The following CRIM1 variants were observed in gnomAD, a reference collection of about 807,000 sequenced individuals.
CRIM1 encodes cysteine-rich motor neuron 1 protein.
In CRIM1, 32 loss-of-function variants were observed where a neutral mutation model predicts 116.4. That is an observed-to-expected ratio of 0.27 (90% CI 0.21 to 0.37). The LOEUF is 0.37. Ranked by LOEUF, CRIM1 falls within the 10% of genes least tolerant of loss-of-function variation. CRIM1 has a pLI of 1.00. For synonymous variants in CRIM1, 590 were observed against 509.2 expected (o/e 1.16, Z -2.13); for missense variants, 1,331 against 1,354.8 (o/e 0.98, Z 0.28).
chr2:36,489,897 TCATAGA>T (rs1042653048), intron 7 of CRIM1, among the ~76,000 whole-genome samples: 5 of 152,148 alleles, frequency 3.3e-5, no homozygotes, highest in Admixed American at 6.5e-5. Context: ...CTTGGAGACA[TCATAGA>T]CATAGTCAAA....
At chr2:36,506,178 C>CTG (rs1681395148) in intron 8 of CRIM1, among the ~76,000 whole-genome samples, 2 of 83,008 alleles carry the variant, frequency 2.4e-5, no homozygotes, top group African/African-American at 3.8e-5. Flanking sequence ...CTCTCTCTCT[C>CTG]TCTCACACAC....
At position 36,550,080 on chromosome 2, in the gene CRIM1, C is replaced by A. The variant is rs551789233; in HGVS notation, c.*1379C>A. On this transcript the variant is annotated 3_prime_UTR_variant, in exon 17 of 17. Coordinates refer to ENST00000280527, the MANE Select transcript of CRIM1 (RefSeq NM_016441.3). ...GTGTGTGTGTGTGCGCGCGCACGCA[C>A]GCCTTGAGCAGTCAGCATTGCACCT... 7 of 152,112 alleles carry A rather than the reference C, an allele frequency of 4.6e-5. No individual in the cohort carries two copies. Among genetic ancestry groups the A allele is most frequent in the Non-Finnish European group, 1.0e-4 (7 of 67,952 alleles). The allele number at this position is 152,112 out of a possible 1,614,324, so 9.4% of individuals were successfully genotyped here. A position where few individuals can be genotyped will look rare whatever the true frequency, so the allele number is the denominator to read the frequency against.
rs116656609 is a variant in CRIM1 at position 36,544,482 on chromosome 2, C to T, written c.2730C>T (p.Ile910=). 1.0e-3 allele frequency: 1,443 copies of T among 1,375,986 alleles called. 13 individuals carry two copies. In the African/African-American group the frequency reaches 0.018, roughly 18 times the overall value. The allele number at this position is 1,375,986 out of a possible 1,614,324, so 85.2% of individuals were successfully genotyped here. ...PLWPTPSEND[I]VHLPRDMGHL... ...GGCCCACGCCTAGTGAAAATGATAT[C>T]GTCCATCTCCCTAGAGGTAAGCATT... is the stretch of plus-strand genomic sequence containing the variant. Residue 910 remains isoleucine (I), a synonymous_variant, in exon 15 of 17, where the codon ATC becomes ATT. Coordinates refer to ENST00000280527, the MANE Select transcript of CRIM1 (RefSeq NM_016441.3).
At chr2:36,418,256 A>G (rs1340618874) in intron 2 of CRIM1, among the ~76,000 whole-genome samples, 1 of 152,198 alleles carries the variant, frequency 6.6e-6, no homozygotes, top group Non-Finnish European at 1.5e-5. Flanking sequence ...AGGTAACACG[A>G]CAGACTCTTC....
chr2:36,501,157 G>A (rs1348913799), intron 8 of CRIM1, among the ~76,000 whole-genome samples: 1 of 152,118 alleles, frequency 6.6e-6, no homozygotes, highest in East Asian at 1.9e-4. Context: ...CTCACACACA[G>A]TACTGGTTCT....
At chr2:36,457,106 G>T (rs1677197114) in intron 4 of CRIM1, among the ~76,000 whole-genome samples, 1 of 151,934 alleles carries the variant, frequency 6.6e-6, no homozygotes, top group Non-Finnish European at 1.5e-5. Flanking sequence ...ATTATTACCA[G>T]TAGTAGGAAG....
chr2:36,382,816 A>G (rs750506815), intron 1 of CRIM1, among the ~76,000 whole-genome samples: 28 of 152,238 alleles, frequency 1.8e-4, no homozygotes, highest in Non-Finnish European at 3.7e-4. Context: ...AAGCACATAC[A>G]CATAAGTTAA....
At chr2:36,542,855 A>G (rs1448813266) in intron 14 of CRIM1, among the ~76,000 whole-genome samples, 1 of 152,164 alleles carries the variant, frequency 6.6e-6, no homozygotes, top group African/African-American at 2.4e-5. Context: ...ACCTCCCGGA[A>G]TCACCTAGTC....
chr2:36,491,822 C>T (rs1036299189), intron 7 of CRIM1, among the ~76,000 whole-genome samples: 17 of 152,246 alleles, frequency 1.1e-4, no homozygotes, highest in African/African-American at 3.1e-4. Context: ...ACCCGCATAC[C>T]TATTAATGTA....
chr2:36,360,107 G>A (rs1669121486), intron 1 of CRIM1, among the ~76,000 whole-genome samples: 1 of 152,226 alleles, frequency 6.6e-6, no homozygotes, highest in Admixed American at 6.5e-5. Flanking sequence ...TGGACAGTGA[G>A]AATTATGTTT....
intron 4 of CRIM1, among the ~76,000 whole-genome samples, chr2:36,444,672 A>G (rs1398756964): frequency 6.6e-6 from 1 of 152,246 alleles, no homozygotes; most frequent in South Asian, 2.1e-4. Context: ...GAGAAGGGAT[A>G]GGTTCTCACA....
chr2:36,397,509 C>G (rs760733513), intron 2 of CRIM1, among the ~76,000 whole-genome samples: 1 of 152,064 alleles, frequency 6.6e-6, no homozygotes. Context: ...CTGCCGCTAA[C>G]CAGCATTAAA....
At chr2:36,493,047 AGATAGGAATT>A (rs1292670203) in intron 7 of CRIM1, among the ~76,000 whole-genome samples, 14 of 152,226 alleles carry the variant, frequency 9.2e-5, no homozygotes, top group African/African-American at 3.1e-4. Context: ...AACGAGAGAC[AGATAGGAATT>A]GTTAGCTTCA....
At chr2:36,498,731 T>A (rs1010432259) in intron 7 of CRIM1, among the ~76,000 whole-genome samples, 2 of 152,298 alleles carry the variant, frequency 1.3e-5, no homozygotes, top group Admixed American at 1.3e-4. Flanking sequence ...GAAATCCAGG[T>A]GTTTTAAGCT....
rs1366348729 is a variant in CRIM1, at chr2:36,464,637, G to T, written c.973G>T (p.Val325Phe). The change falls in exon 5 of 17, where the codon GTC becomes TTC. Residue 325 changes from valine to phenylalanine, a missense_variant. Val to Phe is a conservative substitution (Grantham distance 50). This residue lies in a region of CRIM1 where 690 missense variants were observed against 676.0 expected (regional missense o/e 1.02). Coordinates refer to ENST00000280527, the MANE Select transcript of CRIM1 (RefSeq NM_016441.3). ...TGGGACACCTGGAAAGTGCTGTGAT[G>T]TCTTTGAATGTGTTAATGGTACGTG... ...GDGTPGKCCD[V>F]FECVNDTKPA... 6.2e-7 allele frequency: 1 copy of T among 1,614,176 alleles called. No homozygotes were observed. The highest frequency in any genetic ancestry group is 2.2e-5 in the East Asian group (1 of 44,886).
chr2:36,475,411 A>G (rs1054725799), intron 5 of CRIM1, among the ~76,000 whole-genome samples: 4 of 152,156 alleles, frequency 2.6e-5, no homozygotes, highest in African/African-American at 7.2e-5. Flanking sequence ...TACAAACACA[A>G]TTTGGGGAGT....
chr2:36,503,543 C>T (rs1185110242), intron 8 of CRIM1, among the ~76,000 whole-genome samples: 1 of 152,066 alleles, frequency 6.6e-6, no homozygotes, highest in Non-Finnish European at 1.5e-5. Flanking sequence ...CCCCGCCCCC[C>T]TTTGTTCCCA....
chr2:36,530,440 T>C (rs755155623), intron 13 of CRIM1, among the ~76,000 whole-genome samples: 19 of 152,162 alleles, frequency 1.2e-4, no homozygotes, highest in Non-Finnish European at 2.4e-4. Context: ...TCACATTCTA[T>C]TTATTCTCCA....
chr2:36,403,373 A>T (rs1005635095), intron 2 of CRIM1, among the ~76,000 whole-genome samples: 1 of 152,248 alleles, frequency 6.6e-6, no homozygotes, highest in African/African-American at 2.4e-5. Context: ...ATAGACAATC[A>T]AAAATTGGCG....
Sources: allele counts gnomAD v4.1 joint callset (sites outside exome capture counted in the v4.1 genomes callset), GRCh38; gene constraint gnomAD v4.1.1; regional missense constraint gnomAD v4.1.1; transcripts MANE v1.5; gene names NCBI Gene and HGNC (gene_info 2026-07-23, HGNC 2026-07-21).